MARCHF1: variants seen among roughly 807,000 people sequenced by gnomAD.
The protein encoded by MARCHF1 is membrane associated ring-CH-type finger 1.
MARCHF1 carries 40 observed loss-of-function variants against 54.2 expected under a neutral mutation model. The ratio of observed to expected loss-of-function variants is 0.74; its 90% CI spans 0.57 to 0.96. The LOEUF (loss-of-function observed/expected upper bound fraction) is 0.96, where lower values mean the gene tolerates loss of function less well. MARCHF1 is among the 40% of genes least tolerant of loss of function. The probability of loss-of-function intolerance (pLI) is 0.00; values close to 1 mark genes in which losing one functional copy is unlikely to be tolerated. For missense variants in MARCHF1, 586 were observed against 656.5 expected, an observed-to-expected ratio of 0.89 and a Z score of 1.17; for synonymous variants, 236 against 236.3, an observed-to-expected ratio of 1.00 and a Z score of 0.01.
At chr4:164,365,154 T>G (rs1730841594) in intron 1 of MARCHF1, among the ~76,000 whole-genome samples, 1 of 152,022 alleles carries the variant, frequency 6.6e-6, no homozygotes, top group South Asian at 2.1e-4. Context: ...TGACACTTCC[T>G]AAATGTATAA....
At chr4:163,791,511 C>T (rs1016499225) in intron 4 of MARCHF1, among the ~76,000 whole-genome samples, 1 of 152,052 alleles carries the variant, frequency 6.6e-6, no homozygotes, top group Non-Finnish European at 1.5e-5. Flanking sequence ...TTTTTTTATG[C>T]AAGAATGTGG....
intron 8 of MARCHF1, 104 bp downstream of exon 8, chr4:163,585,645 A>G (rs1319051475): frequency 1.1e-6 from 1 of 891,488 alleles, no homozygotes; most frequent in African/African-American, 1.7e-5. Flanking sequence ...CCCTTAATGG[A>G]TATTAGCATA....
intron 1 of MARCHF1, among the ~76,000 whole-genome samples, chr4:164,176,976 C>CTATATATA (rs1279533259): frequency 3.3e-4 from 11 of 32,846 alleles, no homozygotes; most frequent in Non-Finnish European, 4.1e-4. Flanking sequence ...CTCTCTCTCT[C>CTATATATA]TCTCTATATA....
At chr4:164,101,416 G>C (rs1274306560) in intron 2 of MARCHF1, among the ~76,000 whole-genome samples, 3 of 120,950 alleles carry the variant, frequency 2.5e-5, no homozygotes, top group Admixed American at 8.9e-5. Flanking sequence ...CTGGAGATCT[G>C]AGAACGGGCA....
chr4:163,716,787 C>T (rs141967968), intron 4 of MARCHF1, among the ~76,000 whole-genome samples: 99 of 152,264 alleles, frequency 6.5e-4, no homozygotes, highest in African/African-American at 2.3e-3. Context: ...GGTTGTTGAA[C>T]AGCAACTCTG....
chr4:163,816,241 A>G (rs759465605), intron 4 of MARCHF1, among the ~76,000 whole-genome samples: 1 of 152,152 alleles, frequency 6.6e-6, no homozygotes, highest in Non-Finnish European at 1.5e-5. Flanking sequence ...AGGAAATAAA[A>G]CCTGAGGCTG....
intron 1 of MARCHF1, among the ~76,000 whole-genome samples, chr4:164,254,109 A>T (rs1733199490): frequency 6.6e-6 from 1 of 152,028 alleles, no homozygotes; most frequent in South Asian, 2.1e-4. Flanking sequence ...TATATTTGTT[A>T]TGAATTTTTT....
intron 1 of MARCHF1, among the ~76,000 whole-genome samples, chr4:164,180,863 T>C (rs1730813331): frequency 6.6e-6 from 1 of 152,160 alleles, no homozygotes. Context: ...TCTCCATTGC[T>C]CTAGTCCAAC....
At chr4:164,245,436 G>C (rs1281107872) in intron 1 of MARCHF1, among the ~76,000 whole-genome samples, 18 of 150,606 alleles carry the variant, frequency 1.2e-4, no homozygotes, top group African/African-American at 4.5e-4. Context: ...ATTAGGTATT[G>C]ATGGGACATA....
chr4:163,732,644 G>A (rs116029220), intron 4 of MARCHF1, among the ~76,000 whole-genome samples: 93 of 152,132 alleles, frequency 6.1e-4, no homozygotes, highest in African/African-American at 2.1e-3. Flanking sequence ...ATGTACAGAG[G>A]AGCAAAACTA....
chr4:164,373,685 C>T (rs1238139665), intron 1 of MARCHF1, among the ~76,000 whole-genome samples: 1 of 152,000 alleles, frequency 6.6e-6, no homozygotes, highest in Non-Finnish European at 1.5e-5. Context: ...AAAAAAATTT[C>T]CTAAGGAAAT....
intron 1 of MARCHF1, among the ~76,000 whole-genome samples, chr4:164,275,228 T>C: frequency 6.6e-6 from 1 of 152,224 alleles, no homozygotes; most frequent in East Asian, 1.9e-4. Flanking sequence ...TCATTAATCT[T>C]GTCAAAAATA....
At chr4:164,139,057 G>T (rs897643836) in intron 1 of MARCHF1, among the ~76,000 whole-genome samples, 1 of 152,016 alleles carries the variant, frequency 6.6e-6, no homozygotes, top group African/African-American at 2.4e-5. Context: ...TTTTATTTTG[G>T]TCTAGTACAT....
At chr4:164,227,705 A>G (rs945087348) in intron 1 of MARCHF1, among the ~76,000 whole-genome samples, 1 of 152,068 alleles carries the variant, frequency 6.6e-6, no homozygotes, top group African/African-American at 2.4e-5. Context: ...TCTTGTACCT[A>G]CTCAATGTTG....
chr4:163,943,969 T>C (rs1751970623), intron 3 of MARCHF1, among the ~76,000 whole-genome samples: 1 of 151,792 alleles, frequency 6.6e-6, no homozygotes, highest in Non-Finnish European at 1.5e-5. Context: ...AATGCTTTTT[T>C]TTGTTTTGTT....
intron 2 of MARCHF1, among the ~76,000 whole-genome samples, chr4:164,096,899 T>A (rs1228643985): frequency 6.6e-6 from 1 of 152,184 alleles, no homozygotes; most frequent in African/African-American, 2.4e-5. Flanking sequence ...TAAGTGGTAC[T>A]ATTTTACTAT....
At chr4:164,250,574 T>A (rs779494501) in intron 1 of MARCHF1, among the ~76,000 whole-genome samples, 3 of 152,132 alleles carry the variant, frequency 2.0e-5, no homozygotes, top group Non-Finnish European at 4.4e-5. Context: ...ATCACTTATA[T>A]AATAAATGAT....
At chr4:163,533,442 G>A (rs1011123601) in intron 9 of MARCHF1, among the ~76,000 whole-genome samples, 3 of 151,802 alleles carry the variant, frequency 2.0e-5, no homozygotes, top group Non-Finnish European at 4.4e-5. Flanking sequence ...GACGTTACAC[G>A]TTTGTCAAAA....
chr4:164,152,276 C>T (rs1729963416), intron 1 of MARCHF1, among the ~76,000 whole-genome samples: 1 of 152,074 alleles, frequency 6.6e-6, no homozygotes, highest in African/African-American at 2.4e-5. Flanking sequence ...CATAATTATT[C>T]TGAATTTTTA....
Sources: allele counts gnomAD v4.1 joint callset (sites outside exome capture counted in the v4.1 genomes callset), GRCh38; gene constraint gnomAD v4.1.1; transcripts MANE v1.5; gene names NCBI Gene and HGNC (gene_info 2026-07-23, HGNC 2026-07-21).